CHAT: variants seen among roughly 807,000 people sequenced by gnomAD.
The protein encoded by CHAT is choline O-acetyltransferase.
Under a neutral mutation model 76.9 loss-of-function variants are expected in CHAT, and 61 were observed. That is an observed-to-expected ratio of 0.79 (90% CI 0.65 to 0.98). The LOEUF is 0.98. Ranked by LOEUF, CHAT falls within the 50% of genes least tolerant of loss-of-function variation. The pLI is 0.00. For missense variants in CHAT, 946 were observed against 986.9 expected, an observed-to-expected ratio of 0.96 and a Z score of 0.56; for synonymous variants, 407 against 397.4, an observed-to-expected ratio of 1.02 and a Z score of -0.29.
intron 13 of CHAT, among the ~76,000 whole-genome samples, chr10:49,657,151 G>T (rs1428318825): frequency 6.6e-6 from 1 of 152,128 alleles, no homozygotes; most frequent in African/African-American, 2.4e-5. Flanking sequence ...AGTTCTGGAG[G>T]TCGGACGTCC....
chr10:49,615,967 G>A, intron 1 of CHAT: 1 of 1,447,862 alleles, frequency 6.9e-7, no homozygotes, highest in East Asian at 2.3e-5. Flanking sequence ...TGGAGCACAG[G>A]GCCTTAAAGG....
At chr10:49,655,561 G>A (rs936429033) in intron 13 of CHAT, 113 bp downstream of exon 13, 92 of 1,003,318 alleles carry the variant, frequency 9.2e-5, no homozygotes, top group Non-Finnish European at 4.1e-5. Flanking sequence ...CTGTTACTCG[G>A]GGACTTGGCA....
At chr10:49,629,873 T>C (rs1839055372) in intron 7 of CHAT, among the ~76,000 whole-genome samples, 2 of 152,226 alleles carry the variant, frequency 1.3e-5, no homozygotes, top group Non-Finnish European at 2.9e-5. Flanking sequence ...ATTTACAAAA[T>C]GATTTCGGTT....
Position 49,666,991 on chromosome 10 carries a change from C to CAACCAACCAACCAT in CHAT, c.*1946_*1947insACCAACCAACCATA, listed in dbSNP as rs1840352911. On this transcript the variant is annotated 3_prime_UTR_variant, in exon 15 of 15. Coordinates refer to ENST00000337653, the MANE Select transcript of CHAT (RefSeq NM_020549.5). ...AGACATAGAGCTCCAGCTATGGGGCCAGGCAGCCCCACCAACCTCGGCCAA... is the reference window on the plus strand; with the variant it reads ...AGACATAGAGCTCCAGCTATGGGGCCAACCAACCAACCATAGGCAGCCCCACCAACCTCGGCCAA... Among the ~76,000 whole-genome samples, 1 of 152,202 alleles carries CAACCAACCAACCAT rather than the reference C, an allele frequency of 6.6e-6. No homozygotes were observed. Among genetic ancestry groups the CAACCAACCAACCAT allele is most frequent in the South Asian group, 2.1e-4 (1 of 4,830 alleles).
At chr10:49,615,163 G>A (rs1164037429) in intron 1 of CHAT, among the ~76,000 whole-genome samples, 8 of 151,862 alleles carry the variant, frequency 5.3e-5, no homozygotes, top group African/African-American at 1.7e-4. Flanking sequence ...GAATGGGGGG[G>A]AGGGGGGGGC....
chr10:49,614,447 G>T lies in CHAT; in HGVS notation c.258G>T (p.Ser86=). Residue 86 remains serine (S), a synonymous_variant, in exon 1 of 15, where the codon TCG becomes TCT. Coordinates refer to ENST00000337653, the MANE Select transcript of CHAT (RefSeq NM_020549.5). ...CTCCTGAGTGGTGCGGTGCAGCGTCGGCCGAGGCAGCAGAGCCGAGGAGAG... is the reference window on the plus strand; with the variant it reads ...CTCCTGAGTGGTGCGGTGCAGCGTCTGCCGAGGCAGCAGAGCCGAGGAGAG... ...AHTPEWCGAA[S]AEAAEPRRAG... The T allele has an allele frequency of 1.3e-6, 2 of 1,547,738 alleles. No individual in the cohort carries two copies. Among genetic ancestry groups the T allele is most frequent in the Non-Finnish European group, 1.7e-6 (2 of 1,147,018 alleles).
In CHAT at chr10:49,616,387, G is replaced by C. The variant is rs878976481; in HGVS notation, c.287-115G>C. ...TGCAATGAGACCCCTATACACAGCT[G>C]TCAGGCTCTGGCCTCCTCATGGGGC... On this transcript the variant is annotated intron_variant, in intron 1 of 14. Coordinates refer to ENST00000337653, the MANE Select transcript of CHAT (RefSeq NM_020549.5). 22 of 825,418 alleles carry C rather than the reference G, an allele frequency of 2.7e-5. No homozygotes were observed. The South Asian group carries it at 3.2e-4, about 12-fold the overall frequency. 51.1% of individuals were successfully genotyped at this position (825,418 alleles called of 1,614,324 possible).
intron 1 of CHAT, among the ~76,000 whole-genome samples, chr10:49,614,882 C>T (rs1427261207): frequency 6.6e-6 from 1 of 152,226 alleles, no homozygotes; most frequent in African/African-American, 2.4e-5. Context: ...CAAGTCTGAG[C>T]CAGGACATAG....
intron 2 of CHAT, among the ~76,000 whole-genome samples, chr10:49,618,781 GC>G (rs1838591317): frequency 6.6e-6 from 1 of 152,166 alleles, no homozygotes; most frequent in South Asian, 2.1e-4. Flanking sequence ...ACACTTTGGG[GC>G]CCCCAAAGAA....
At chr10:49,640,451 T>C (rs1453695562) in intron 7 of CHAT, among the ~76,000 whole-genome samples, 1 of 151,914 alleles carries the variant, frequency 6.6e-6, no homozygotes, top group Non-Finnish European at 1.5e-5. Flanking sequence ...GGCACTTCAC[T>C]GGGTCTCTGT....
intron 13 of CHAT, among the ~76,000 whole-genome samples, chr10:49,656,310 T>C (rs1466605503): frequency 1.2e-5 from 1 of 83,214 alleles, no homozygotes; most frequent in Non-Finnish European, 2.5e-5. Context: ...TTTTTTTTTT[T>C]GGTCTTCATG....
chr10:49,642,915 A>G (rs1329038783), intron 7 of CHAT, among the ~76,000 whole-genome samples: 2 of 152,300 alleles, frequency 1.3e-5, no homozygotes, highest in Non-Finnish European at 1.5e-5. Context: ...GAGCTCTTCC[A>G]TGATCCTTCA....
intron 4 of CHAT, among the ~76,000 whole-genome samples, chr10:49,621,854 G>C (rs1251848629): frequency 7.5e-6 from 1 of 134,058 alleles, no homozygotes; most frequent in Non-Finnish European, 1.6e-5. Flanking sequence ...CATGGGGCTG[G>C]GGGGCAAGAA....
upstream of CHAT, chr10:49,610,574 T>C: frequency 1.6e-6 from 1 of 607,426 alleles, no homozygotes; most frequent in Admixed American, 3.8e-5. Context: ...CGGAGTCCTT[T>C]CCTTTCCCGG....
intron 7 of CHAT, among the ~76,000 whole-genome samples, chr10:49,643,868 C>T (rs1234051132): frequency 6.6e-6 from 1 of 152,222 alleles, no homozygotes; most frequent in African/African-American, 2.4e-5. Flanking sequence ...GCCCAGGCCC[C>T]ACCCTCAGTG....
Position 49,625,529 on chromosome 10 carries a change from T to A in CHAT, c.809T>A (p.Met270Lys), listed in dbSNP as rs1838886098. The change falls in exon 6 of 15, where the codon ATG (methionine) becomes AAG (lysine). Residue 270 changes from methionine to lysine, a missense_variant. This residue lies in a region of CHAT where 548 missense variants were observed against 516.2 expected (regional missense o/e 1.06). Coordinates refer to ENST00000337653, the MANE Select transcript of CHAT (RefSeq NM_020549.5). The part of the protein sequence containing the change: ...KGQLSGQPLC[M>K]KQYYGLFSSY... ...CAGCTGTCAGGGCAGCCCCTTTGCA[T>A]GAAGCAATACTATGGGCTCTTCTCC... 6.2e-7 allele frequency: 1 copy of A among 1,613,648 alleles called. No homozygotes were observed. The highest frequency in any genetic ancestry group is 8.5e-7 in the Non-Finnish European group (1 of 1,180,010).
At chr10:49,648,730 C>T (rs1346286745) in intron 9 of CHAT, 123 bp downstream of exon 9, 5 of 204,324 alleles carry the variant, frequency 2.4e-5, no homozygotes, top group Non-Finnish European at 4.0e-5. Flanking sequence ...GTACTATACA[C>T]ACACACACAC....
chr10:49,627,740 G>A lies in CHAT; in HGVS notation c.1066G>A (p.Asp356Asn). The A allele has an allele frequency of 6.2e-7, 1 of 1,614,040 alleles. No individual in the cohort carries two copies. Among genetic ancestry groups the A allele is most frequent in the Non-Finnish European group, 8.5e-7 (1 of 1,179,908 alleles). ...GCCTCCAATTGGCCTGCTGACGTCT[G>A]ACGGGAGGAGCGAGTGGGCCGAGGC... ...RLPPIGLLTS[D>N]GRSEWAEART... Residue 356 changes from aspartate to asparagine, a missense_variant, in exon 7 of 15, where the codon GAC becomes AAC. Asp to Asn is a conservative substitution (Grantham distance 23). This residue lies in a region of CHAT where 548 missense variants were observed against 516.2 expected (regional missense o/e 1.06). Coordinates refer to ENST00000337653, the MANE Select transcript of CHAT (RefSeq NM_020549.5).
intron 7 of CHAT, among the ~76,000 whole-genome samples, chr10:49,629,880 G>T (rs759883394): frequency 7.9e-5 from 12 of 152,188 alleles, no homozygotes; most frequent in Admixed American, 7.2e-4. Flanking sequence ...AAATGATTTC[G>T]GTTTCCCAGT....
Sources: allele counts gnomAD v4.1 joint callset (sites outside exome capture counted in the v4.1 genomes callset), GRCh38; gene constraint gnomAD v4.1.1; regional missense constraint gnomAD v4.1.1; transcripts MANE v1.5; gene names NCBI Gene and HGNC (gene_info 2026-07-23, HGNC 2026-07-21).